Variants in MSH3 observed in about 807,000 individuals in gnomAD.
The protein encoded by MSH3 is DNA mismatch repair protein Msh3.
Under a neutral mutation model 123.3 loss-of-function variants are expected in MSH3, and 106 were observed. The ratio of observed to expected loss-of-function variants is 0.86; its 90% CI spans 0.73 to 1.01. MSH3 has a LOEUF of 1.01. Ranked by LOEUF, MSH3 falls within the 50% of genes least tolerant of loss-of-function variation. MSH3 has a pLI of 0.00. For synonymous variants in MSH3, 515 were observed against 481.4 expected (o/e 1.07, Z -0.91); for missense variants, 1,459 against 1,347.6 (o/e 1.08, Z -1.29).
intron 13 of MSH3, among the ~76,000 whole-genome samples, chr5:80,762,730 TTTTTA>T (rs1446184677): frequency 6.6e-6 from 1 of 151,384 alleles, no homozygotes; most frequent in African/African-American, 2.4e-5. Context: ...TGTGCCTAAA[TTTTTA>T]TTTTATTTTG....
intron 16 of MSH3, among the ~76,000 whole-genome samples, chr5:80,776,934 T>A (rs867695458): frequency 0.013 from 1,933 of 145,162 alleles, 30 homozygotes; most frequent in African/African-American, 0.042. Flanking sequence ...ATATATTTTT[T>A]TTTTTTCTTT....
chr5:80,876,662 AT>A lies in MSH3; in HGVS notation c.*802del, dbSNP rs1284585302. ...AAAAAGAAAAAAGAAAAGAAATAGA[AT>A]TATCAAGCTTTTAAAAACTAGAGCA... On this transcript the variant is annotated 3_prime_UTR_variant, in exon 24 of 24. Coordinates refer to ENST00000265081, the MANE Select transcript of MSH3 (RefSeq NM_002439.5). 1.7e-4 allele frequency among the ~76,000 whole-genome samples: 26 copies of A among 152,136 alleles called. No individual in the cohort carries two copies. The highest frequency in any genetic ancestry group is 5.9e-5 in the Non-Finnish European group (4 of 67,972).
chr5:80,671,713 C>T (rs564201549), intron 4 of MSH3, among the ~76,000 whole-genome samples: 6 of 152,256 alleles, frequency 3.9e-5, no homozygotes, highest in East Asian at 3.9e-4. Context: ...ATGGTGCTTT[C>T]TAGAGGAAAT....
In MSH3 at chr5:80,761,654, A is replaced by G. The variant is rs1393477210; in HGVS notation, c.1872A>G (p.Gly624=). ...HLRKLPDIER[G]LCSIYHKKCS... is the part of the protein sequence containing the mutation. Reference sequence around the variant, plus strand: ...GTAAATTGCCCGACATAGAGAGGGGACTCTGTAGCATTTATCACAAAAAAG... The same window carrying G: ...GTAAATTGCCCGACATAGAGAGGGGGCTCTGTAGCATTTATCACAAAAAAG... Residue 624 remains glycine, a synonymous_variant, in exon 13 of 24, where the codon GGA becomes GGG. Coordinates refer to ENST00000265081, the MANE Select transcript of MSH3 (RefSeq NM_002439.5). 14 of 1,614,044 alleles carry G rather than the reference A, an allele frequency of 8.7e-6. No individual in the cohort carries two copies. The highest frequency in any genetic ancestry group is 1.2e-5 in the Non-Finnish European group (14 of 1,179,976).
chr5:80,718,431 C>A (rs1038775812), intron 8 of MSH3, among the ~76,000 whole-genome samples: 14 of 151,402 alleles, frequency 9.2e-5, no homozygotes, highest in Non-Finnish European at 2.9e-5. Context: ...TATAAAAATA[C>A]GTTTTAAACC....
chr5:80,698,099 T>C (rs762971930), intron 8 of MSH3, among the ~76,000 whole-genome samples: 2 of 152,026 alleles, frequency 1.3e-5, no homozygotes, highest in Non-Finnish European at 2.9e-5. Flanking sequence ...ATGAGGCCTC[T>C]CTATGTCTTC....
At position 80,873,279 on chromosome 5, in the gene MSH3, T is replaced by C. The variant is rs745524865; in HGVS notation, c.3294T>C (p.Asn1098=). Residue 1098 remains asparagine, a synonymous_variant, in exon 23 of 24, where the codon AAT becomes AAC. Coordinates refer to ENST00000265081, the MANE Select transcript of MSH3 (RefSeq NM_002439.5). The part of the protein sequence containing the change: ...HKSKELEGLI[N]TKRKRLKYFA... ...CAAAAGAGCTGGAAGGATTAATAAA[T>C]ACGAAAAGGTCAGAGTGATTATGCT... 1 of 1,613,860 alleles carries C rather than the reference T, an allele frequency of 6.2e-7. No individual in the cohort carries two copies. The highest frequency in any genetic ancestry group is 8.5e-7 in the Non-Finnish European group (1 of 1,179,882).
At position 80,672,729 on chromosome 5, in the gene MSH3, T is replaced by C. The variant is rs1749751342; in HGVS notation, c.910-12T>C. 6.2e-7 allele frequency: 1 copy of C among 1,601,050 alleles called. No individual in the cohort carries two copies. Among genetic ancestry groups the C allele is most frequent in the Non-Finnish European group, 8.6e-7 (1 of 1,168,126 alleles). On this transcript the variant is annotated splice_polypyrimidine_tract_variant and intron_variant, in intron 5 of 23. Transcript: ENST00000265081. ...TATCCTTTGATAGCAATATTTCTTA[T>C]TTTTGTTGAAGGTGGGAGTTGTGAA...
rs551216447 is a variant in MSH3 at position 80,786,038 on chromosome 5, C to T, written c.2436-1527C>T. Among the ~76,000 whole-genome samples the T allele has an allele frequency of 4.5e-3, 687 of 151,890 alleles. 8 individuals are homozygous for T. Among genetic ancestry groups the T allele is most frequent in the African/African-American group, 0.013 (537 of 41,410 alleles). On this transcript the variant is annotated intron_variant, in intron 17 of 23. Coordinates refer to ENST00000265081, the MANE Select transcript of MSH3 (RefSeq NM_002439.5). ...GGATAACATTGGGAGATATACCTAA[C>T]GCTAGATGACGAGTTAGTGGGTGCA... is the stretch of plus-strand genomic sequence containing the variant.
intron 13 of MSH3, among the ~76,000 whole-genome samples, chr5:80,762,576 G>A (rs1744052675): frequency 1.3e-5 from 2 of 151,354 alleles, no homozygotes; most frequent in Non-Finnish European, 2.9e-5. Context: ...CATTGGCTGT[G>A]TCTTTTGGAT....
In MSH3 at chr5:80,875,379, C is replaced by T. The variant is rs56275822; in HGVS notation, c.3303-372C>T. Among the ~76,000 whole-genome samples the T allele has an allele frequency of 2.2e-3, 329 of 152,018 alleles. 1 individual carries two copies. The highest frequency in any genetic ancestry group is 6.2e-3 in the African/African-American group (259 of 41,486). On this transcript the variant is annotated intron_variant, in intron 23 of 23. Coordinates refer to ENST00000265081, the MANE Select transcript of MSH3 (RefSeq NM_002439.5). ...ACTCTTTAATTAGCTTCATTGTTTTCGGTTGGTGTTACTTTTCATCCTGGG... is the reference window on the plus strand; with the variant it reads ...ACTCTTTAATTAGCTTCATTGTTTTTGGTTGGTGTTACTTTTCATCCTGGG...
chr5:80,723,907 C>T (rs1257037803), intron 8 of MSH3, among the ~76,000 whole-genome samples: 1 of 152,070 alleles, frequency 6.6e-6, no homozygotes, highest in African/African-American at 2.4e-5. Flanking sequence ...GGACTACAGG[C>T]ATGTGCTACC....
At position 80,792,813 on chromosome 5, in the gene MSH3, A is replaced by T. The variant is rs1744631443; in HGVS notation, c.2624A>T (p.Asp875Val). Residue 875 changes from aspartate to valine, a missense_variant, in exon 19 of 24, where the codon GAT (aspartate) becomes GTT (valine). By Grantham distance (152) the Asp-to-Val change is radical. Coordinates refer to ENST00000265081, the MANE Select transcript of MSH3 (RefSeq NM_002439.5). ...PVIDVLLGEQDQYVPNNTDLS... is the reference protein window; with the variant it reads ...PVIDVLLGEQVQYVPNNTDLS... ...ATTGATGTGTTGCTGGGAGAACAGGATCAATATGTCCCAAATAATACAGAT... is the reference window on the plus strand; with the variant it reads ...ATTGATGTGTTGCTGGGAGAACAGGTTCAATATGTCCCAAATAATACAGAT... 4 of 1,612,470 alleles carry T rather than the reference A, an allele frequency of 2.5e-6. No homozygotes were observed. Among genetic ancestry groups the T allele is most frequent in the Non-Finnish European group, 2.5e-6 (3 of 1,178,658 alleles).
rs372541156 is a variant in MSH3 at position 80,779,204 on chromosome 5, G to T, written c.2435+368G>T. On this transcript the variant is annotated intron_variant, in intron 17 of 23. Transcript: ENST00000265081. ...GACGGGATTTCGCCATGTTGGCCAG[G>T]CTGATGTTGTACTCCTGACCTCAAG... is the stretch of plus-strand genomic sequence containing the variant. 4.6e-5 allele frequency among the ~76,000 whole-genome samples: 7 copies of T among 152,068 alleles called. No homozygotes were observed. The East Asian group carries it at 1.4e-3, about 30-fold the overall frequency.
intron 8 of MSH3, among the ~76,000 whole-genome samples, chr5:80,690,190 A>G (rs1039253545): frequency 4.6e-5 from 7 of 152,008 alleles, no homozygotes; most frequent in Non-Finnish European, 1.0e-4. Flanking sequence ...AGTTCTTGGA[A>G]TTATAGGCAT....
chr5:80,755,707 C>T (rs926071630), intron 12 of MSH3, among the ~76,000 whole-genome samples: 13 of 152,216 alleles, frequency 8.5e-5, no homozygotes, highest in East Asian at 1.9e-4. Context: ...TGCAGCTGCC[C>T]TCTGGGCTCC....
intron 13 of MSH3, 112 bp downstream of exon 13, chr5:80,761,790 A>G: frequency 1.6e-6 from 2 of 1,213,648 alleles, no homozygotes; most frequent in Non-Finnish European, 2.4e-6. Flanking sequence ...GTAAAATCTT[A>G]CAAATAGCAT....
chr5:80,717,342 T>G (rs1026065713), intron 8 of MSH3, among the ~76,000 whole-genome samples: 11 of 152,208 alleles, frequency 7.2e-5, no homozygotes, highest in African/African-American at 2.4e-4. Context: ...CATAGCTCGT[T>G]GCAGCCTGGA....
At chr5:80,867,116 C>A (rs1263803133) in intron 22 of MSH3, among the ~76,000 whole-genome samples, 2 of 152,338 alleles carry the variant, frequency 1.3e-5, no homozygotes, top group East Asian at 3.9e-4. Context: ...CCTTACCCCT[C>A]TTCTAAGCAT....
Sources: allele counts gnomAD v4.1 joint callset (sites outside exome capture counted in the v4.1 genomes callset), GRCh38; gene constraint gnomAD v4.1.1; transcripts MANE v1.5; gene names NCBI Gene and HGNC (gene_info 2026-07-23, HGNC 2026-07-21).